Variants in WIPF1 observed in about 807,000 individuals in gnomAD.
WIPF1 encodes the protein WAS/WASL interacting protein family member 1, also known as WAS/WASL-interacting protein family member 1.
A neutral mutation model predicts 35.4 loss-of-function variants in WIPF1; 13 were observed. The ratio of observed to expected loss-of-function variants is 0.37; its 90% CI spans 0.24 to 0.58. WIPF1 has a LOEUF of 0.58. WIPF1 is among the 20% of genes least tolerant of loss of function. The pLI is 0.74. For synonymous variants in WIPF1, 267 were observed against 266.3 expected (o/e 1.00, Z -0.02); for missense variants, 591 against 667.0 (o/e 0.89, Z 1.25).
At chr2:174,584,732 T>C (rs1574807215) in intron 2 of WIPF1, among the ~76,000 whole-genome samples, 1 of 150,420 alleles carries the variant, frequency 6.6e-6, no homozygotes, top group East Asian at 1.9e-4. Flanking sequence ...GCCAACATGG[T>C]GAAACCCCGT....
intron 1 of WIPF1, among the ~76,000 whole-genome samples, chr2:174,647,782 G>A (rs1687442511): frequency 6.6e-6 from 1 of 152,194 alleles, no homozygotes; most frequent in African/African-American, 2.4e-5. Context: ...CAGAAGCCAT[G>A]AAGGTAGGTA....
At chr2:174,616,362 C>T (rs1266882418) in intron 1 of WIPF1, among the ~76,000 whole-genome samples, 3 of 152,112 alleles carry the variant, frequency 2.0e-5, no homozygotes, top group Admixed American at 1.3e-4. Context: ...GGATTTCACA[C>T]CTTCCTCTTC....
chr2:174,560,054 A>G lies in WIPF1; in HGVS notation c.*2493T>C, dbSNP rs1684445535. 6.6e-6 allele frequency: 1 copy of G among 152,646 alleles called. No individual in the cohort carries two copies. Among genetic ancestry groups the G allele is most frequent in the Admixed American group, 6.5e-5 (1 of 15,282 alleles). 9.5% of individuals were successfully genotyped at this position (152,646 alleles called of 1,614,324 possible). On this transcript the variant is annotated 3_prime_UTR_variant, in exon 8 of 8. Transcript: ENST00000679041. ...ATATAAAATAAGAGGTGAATGTTAA[A>G]ATACTGTATTACATGTTGAATACAT... is the stretch of plus-strand genomic sequence containing the variant.
At chr2:174,599,814 G>T (rs866422687), upstream of WIPF1, among the ~76,000 whole-genome samples, 16 of 96,142 alleles carry the variant, frequency 1.7e-4, no homozygotes, top group South Asian at 3.3e-4. Context: ...TCTCTCTCTA[G>T]CTATCTCTCT....
At position 174,567,090 on chromosome 2, in the gene WIPF1, A is replaced by G; in HGVS notation, c.1436T>C (p.Leu479Pro). ...CTCACTCCGGCTTTCGTTTCTTGCC[A>G]GTTTGCTGGGATAACTTTTGGTCGT... is the stretch of plus-strand genomic sequence containing the variant. ...VQTTKSYPSKLARNESRSGSN... is the reference protein window; with the variant it reads ...VQTTKSYPSKPARNESRSGSN... Residue 479 changes from leucine (L) to proline (P), a missense_variant, in exon 7 of 8, where the codon CTG (leucine) becomes CCG (proline). Coordinates refer to ENST00000679041, the MANE Select transcript of WIPF1 (RefSeq NM_001375834.1). The G allele has an allele frequency of 6.2e-7, 1 of 1,614,234 alleles. No homozygotes were observed.
chr2:174,602,965 T>C (rs1686053021), intron 1 of WIPF1, among the ~76,000 whole-genome samples: 1 of 152,226 alleles, frequency 6.6e-6, no homozygotes, highest in African/African-American at 2.4e-5. Context: ...GATTCAAGGC[T>C]GGCTAATCAG....
At chr2:174,634,700 A>G (rs1687133933) in intron 1 of WIPF1, 1 of 152,246 alleles carries the variant, frequency 6.6e-6, no homozygotes, top group South Asian at 2.1e-4. Flanking sequence ...ACATGGGGGT[A>G]ACCCTGTGTC....
intron 2 of WIPF1, 144 bp downstream of exon 2, chr2:174,585,379 G>T (rs534884999): frequency 1.3e-6 from 1 of 794,114 alleles, no homozygotes; most frequent in Non-Finnish European, 2.1e-6. Flanking sequence ...TTCAGGATTT[G>T]GCTTACCCTG....
intron 1 of WIPF1, among the ~76,000 whole-genome samples, chr2:174,606,990 G>T (rs912327241): frequency 2.6e-5 from 4 of 152,140 alleles, no homozygotes; most frequent in African/African-American, 2.4e-5. Flanking sequence ...ATGGCTGAAG[G>T]CAAGAGAGCA....
intron 1 of WIPF1, among the ~76,000 whole-genome samples, chr2:174,663,664 T>C (rs1282293971): frequency 6.6e-6 from 1 of 152,224 alleles, no homozygotes; most frequent in Non-Finnish European, 1.5e-5. Context: ...ATTCCAGATA[T>C]GAAAGTCACT....
At chr2:174,655,026 G>T (rs372937786) in intron 1 of WIPF1, among the ~76,000 whole-genome samples, 1 of 152,142 alleles carries the variant, frequency 6.6e-6, no homozygotes, top group African/African-American at 2.4e-5. Context: ...GTATGTCCAC[G>T]CTGGCTCTCC....
At chr2:174,637,781 C>T (rs1687216791) in intron 1 of WIPF1, among the ~76,000 whole-genome samples, 1 of 152,076 alleles carries the variant, frequency 6.6e-6, no homozygotes, top group African/African-American at 2.4e-5. Flanking sequence ...AGCGAGACTC[C>T]GTCTCAAAAA....
Position 174,630,036 on chromosome 2 carries a change from A to AT in WIPF1, c.-38-44426dup, listed in dbSNP as rs1358434723. Among the ~76,000 whole-genome samples the AT allele has an allele frequency of 2.6e-5, 4 of 152,358 alleles. No individual in the cohort carries two copies. In the East Asian group the frequency reaches 7.7e-4, roughly 29 times the overall value. On this transcript the variant is annotated intron_variant, in intron 1 of 8. Transcript: ENST00000272746. The stretch of plus-strand genomic sequence containing the variant: ...ATTCCAAATAATTGTAGGCTCCAAG[A>AT]TATCACTTAGTGACTTCTAATTTAG...
At chr2:174,673,881 GTTTCTTAA>G (rs1688074307) in intron 1 of WIPF1, 1 of 151,732 alleles carries the variant, frequency 6.6e-6, no homozygotes, top group Admixed American at 6.6e-5. Context: ...CATTCACAGG[GTTTCTTAA>G]TTTTCAGTTC....
intron 1 of WIPF1, among the ~76,000 whole-genome samples, chr2:174,660,169 C>A (rs1258433891): frequency 6.6e-6 from 1 of 152,136 alleles, no homozygotes; most frequent in Admixed American, 6.5e-5. Flanking sequence ...CATTCTGTGG[C>A]TATCAGGATT....
At chr2:174,635,540 T>TG (rs1687162771) in intron 1 of WIPF1, among the ~76,000 whole-genome samples, 1 of 148,386 alleles carries the variant, frequency 6.7e-6, no homozygotes, top group African/African-American at 2.5e-5. Context: ...TTTTTTTTTT[T>TG]TTTTTTTTTT....
At chr2:174,574,792 A>G (rs1684990492) in intron 4 of WIPF1, 1 of 690,222 alleles carries the variant, frequency 1.4e-6, no homozygotes, top group East Asian at 2.7e-5. Flanking sequence ...GATGTGCTCC[A>G]TCGTGTTTGA....
intron 1 of WIPF1, among the ~76,000 whole-genome samples, chr2:174,625,374 G>A (rs1221644782): frequency 6.6e-6 from 1 of 152,198 alleles, no homozygotes; most frequent in Non-Finnish European, 1.5e-5. Flanking sequence ...AGATCATTCT[G>A]CATGACCTCT....
chr2:174,666,659 C>T (rs898079515), intron 1 of WIPF1, among the ~76,000 whole-genome samples: 1 of 152,244 alleles, frequency 6.6e-6, no homozygotes, highest in Non-Finnish European at 1.5e-5. Flanking sequence ...TCCTTGACCA[C>T]TAAGAAGGAG....
Sources: allele counts gnomAD v4.1 joint callset (sites outside exome capture counted in the v4.1 genomes callset), GRCh38; gene constraint gnomAD v4.1.1; transcripts MANE v1.5; gene names NCBI Gene and HGNC (gene_info 2026-07-23, HGNC 2026-07-21).